ADAM22: variants seen among roughly 807,000 people sequenced by gnomAD.
ADAM22 encodes the protein disintegrin and metalloproteinase domain-containing protein 22.
Under a neutral mutation model 144.6 loss-of-function variants are expected in ADAM22, and 65 were observed. That is an observed-to-expected ratio of 0.45 (90% CI 0.37 to 0.55). ADAM22 has a LOEUF of 0.55. ADAM22 is among the 20% of genes least tolerant of loss of function. ADAM22 has a pLI of 0.00. For synonymous variants in ADAM22, 391 were observed against 412.6 expected (o/e 0.95, Z 0.63); for missense variants, 974 against 1,184.9 (o/e 0.82, Z 2.61).
chr7:88,193,082 A>G (rs780950433), intron 30 of ADAM22, 34 bp from the exon 31 acceptor site: 2 of 1,612,816 alleles, frequency 1.2e-6, no homozygotes, highest in East Asian at 2.2e-5. Context: ...TTAGGCAATC[A>G]CATGATACTT....
At chr7:88,049,987 A>T (rs1805777748) in intron 3 of ADAM22, among the ~76,000 whole-genome samples, 1 of 152,060 alleles carries the variant, frequency 6.6e-6, no homozygotes, top group South Asian at 2.1e-4. Context: ...CAAAGTACAG[A>T]TACAGAACAT....
chr7:88,126,779 C>A (rs1453846047), intron 8 of ADAM22, among the ~76,000 whole-genome samples: 1 of 151,840 alleles, frequency 6.6e-6, no homozygotes, highest in Admixed American at 6.6e-5. Context: ...CCTATTGGTG[C>A]TCAAAAAGTT....
rs1395304921 is a variant in ADAM22, at chr7:88,125,662, A to T, written c.678+3A>T. 6.3e-7 allele frequency: 1 copy of T among 1,589,740 alleles called. No homozygotes were observed. The stretch of plus-strand genomic sequence containing the variant: ...GACCAAAAAGGAGTAAACGGCAGGT[A>T]TGTATTCACAGTGGTGTGTCGTGTT... On this transcript the variant is annotated splice_donor_region_variant and intron_variant, in intron 8 of 31. Transcript: ENST00000413139.
At chr7:88,186,590 T>G in intron 29 of ADAM22, 25 bp from the exon 30 acceptor site, 1 of 1,454,686 alleles carries the variant, frequency 6.9e-7, no homozygotes, top group Non-Finnish European at 9.7e-7. Context: ...TCTGCTTTCT[T>G]TGTTCCTTCC....
chr7:88,124,456 G>A lies in ADAM22; in HGVS notation c.608-1133G>A, dbSNP rs530072207. On this transcript the variant is annotated intron_variant, in intron 7 of 31. Coordinates refer to ENST00000413139, the MANE Select transcript of ADAM22 (RefSeq NM_001324418.2). Reference sequence around the variant, plus strand: ...GTTCTCTTGTGATTAATGTTTGTAAGGTGTATCTTCTTCCATACTTTAAAT... The same window carrying A: ...GTTCTCTTGTGATTAATGTTTGTAAAGTGTATCTTCTTCCATACTTTAAAT... Among the ~76,000 whole-genome samples, 12 of 151,174 alleles carry A rather than the reference G, an allele frequency of 7.9e-5. No individual in the cohort carries two copies. The South Asian group carries it at 2.5e-3, about 32-fold the overall frequency.
At chr7:88,058,841 C>G (rs1446772061) in intron 3 of ADAM22, among the ~76,000 whole-genome samples, 1 of 152,116 alleles carries the variant, frequency 6.6e-6, no homozygotes, top group Non-Finnish European at 1.5e-5. Context: ...AGAACATATA[C>G]TGTGTTGCCT....
chr7:88,006,609 A>G (rs1793920923), intron 3 of ADAM22, among the ~76,000 whole-genome samples: 1 of 148,132 alleles, frequency 6.8e-6, no homozygotes, highest in Non-Finnish European at 1.5e-5. Flanking sequence ...ATGCAAATCA[A>G]TAAATGTAAT....
intron 1 of ADAM22, 110 bp downstream of exon 1, chr7:87,934,660 ATTTTT>A (rs57360340): frequency 5.1e-4 from 356 of 703,968 alleles, no homozygotes; most frequent in Middle Eastern, 1.1e-3. Context: ...GCGCGGGGAG[ATTTTT>A]TTTTTTTTTT....
rs559965742 is a variant in ADAM22, at chr7:88,076,624, A to G, written c.390+932A>G. Among the ~76,000 whole-genome samples the G allele has an allele frequency of 1.5e-3, 228 of 152,222 alleles. 1 individual carries two copies. The highest frequency in any genetic ancestry group is 5.2e-3 in the African/African-American group (216 of 41,550). ...CAGAAATCTCAGGATACTGGTTATGACAGGTAAACTGTGAAAATATTAACA... is the reference window on the plus strand; with the variant it reads ...CAGAAATCTCAGGATACTGGTTATGGCAGGTAAACTGTGAAAATATTAACA... On this transcript the variant is annotated intron_variant, in intron 4 of 31. Transcript: ENST00000413139.
intron 4 of ADAM22, among the ~76,000 whole-genome samples, chr7:88,082,532 C>T (rs1263194942): frequency 1.1e-4 from 17 of 152,130 alleles, no homozygotes; most frequent in South Asian, 4.1e-4. Context: ...AAAGAAACCA[C>T]CATCAGAGTG....
At chr7:88,044,535 T>C (rs1158052666) in intron 3 of ADAM22, among the ~76,000 whole-genome samples, 1 of 142,870 alleles carries the variant, frequency 7.0e-6, no homozygotes, top group East Asian at 2.1e-4. Flanking sequence ...CAACCTCCCC[T>C]TCCCGGGTTC....
intron 3 of ADAM22, among the ~76,000 whole-genome samples, chr7:88,067,714 G>T (rs1235995343): frequency 1.3e-5 from 2 of 152,084 alleles, no homozygotes; most frequent in African/African-American, 2.4e-5. Flanking sequence ...CATGATAGTG[G>T]CAGGCTCAGC....
At chr7:88,014,145 A>ATG (rs1796054108) in intron 3 of ADAM22, among the ~76,000 whole-genome samples, 1 of 152,126 alleles carries the variant, frequency 6.6e-6, no homozygotes, top group South Asian at 2.1e-4. Context: ...CTAGTGGCAT[A>ATG]TGTACCCATG....
chr7:88,116,795 C>T lies in ADAM22; in HGVS notation c.588C>T (p.Ser196=), dbSNP rs1343906712. 1 of 1,612,722 alleles carries T rather than the reference C, an allele frequency of 6.2e-7. No individual in the cohort carries two copies. Among genetic ancestry groups the T allele is most frequent in the African/African-American group, 1.3e-5 (1 of 74,976 alleles). ...ACAAATCCAGACTGTTTGAATTTTC[C>T]TTGGATGATCTTCCATCTGGTATGA... is the stretch of plus-strand genomic sequence containing the variant. ...SVYKSRLFEF[S]LDDLPSEFQQ... is the part of the protein sequence containing the mutation. The change falls in exon 7 of 32, where the codon TCC becomes TCT. Residue 196 remains serine, a synonymous_variant. Coordinates refer to ENST00000413139, the MANE Select transcript of ADAM22 (RefSeq NM_001324418.2).
chr7:87,996,614 C>T (rs557983527), intron 3 of ADAM22, among the ~76,000 whole-genome samples: 16 of 152,310 alleles, frequency 1.1e-4, no homozygotes, highest in African/African-American at 2.9e-4. Context: ...TTGGGACATG[C>T]AGCCTGCCAA....
intron 4 of ADAM22, among the ~76,000 whole-genome samples, chr7:88,099,608 G>T (rs1171467208): frequency 6.6e-6 from 1 of 152,090 alleles, no homozygotes; most frequent in African/African-American, 2.4e-5. Flanking sequence ...ACTTATTATA[G>T]TGAAATATTA....
intron 3 of ADAM22, among the ~76,000 whole-genome samples, chr7:88,055,270 G>T (rs1807888210): frequency 6.6e-6 from 1 of 151,960 alleles, no homozygotes; most frequent in South Asian, 2.1e-4. Flanking sequence ...AGTGGCTCAT[G>T]TCTGTAATCC....
chr7:87,968,097 T>A (rs1849582157), intron 2 of ADAM22, among the ~76,000 whole-genome samples: 1 of 152,164 alleles, frequency 6.6e-6, no homozygotes, highest in Non-Finnish European at 1.5e-5. Flanking sequence ...AATATTCAGT[T>A]TTGAAAGTTA....
At chr7:88,109,840 A>C (rs770097253) in intron 5 of ADAM22, among the ~76,000 whole-genome samples, 1 of 152,074 alleles carries the variant, frequency 6.6e-6, no homozygotes, top group Non-Finnish European at 1.5e-5. Flanking sequence ...AGTGGAGTGC[A>C]ATAGGTTGGA....
Sources: allele counts gnomAD v4.1 joint callset (sites outside exome capture counted in the v4.1 genomes callset), GRCh38; gene constraint gnomAD v4.1.1; transcripts MANE v1.5; gene names NCBI Gene and HGNC (gene_info 2026-07-23, HGNC 2026-07-21).